DNAJC8: variants seen among roughly 807,000 people sequenced by gnomAD.
DNAJC8 encodes DnaJ heat shock protein family (Hsp40) member C8.
Under a neutral mutation model 43.2 loss-of-function variants are expected in DNAJC8, and 24 were observed. The ratio of observed to expected loss-of-function variants is 0.56; its 90% CI spans 0.40 to 0.78. DNAJC8 has a LOEUF of 0.78. Among genes scored for constraint, DNAJC8 ranks in the 30% least tolerant of loss-of-function variants. The probability of loss-of-function intolerance (pLI) is 0.00; values close to 1 mark genes in which losing one functional copy is unlikely to be tolerated. For missense variants in DNAJC8, 207 were observed against 299.4 expected (o/e 0.69, Z 2.28); for synonymous variants, 83 against 98.0 (o/e 0.85, Z 0.90).
At chr1:28,219,918 CTGCT>C (rs1646887609) in intron 2 of DNAJC8, among the ~76,000 whole-genome samples, 1 of 152,220 alleles carries the variant, frequency 6.6e-6, no homozygotes, top group East Asian at 1.9e-4. Flanking sequence ...CTCAGGCAAT[CTGCT>C]CACCTCAGCC....
chr1:28,214,793 A>C (rs1646839678), intron 3 of DNAJC8, 147 bp downstream of exon 3: 2 of 512,494 alleles, frequency 3.9e-6, no homozygotes. Context: ...ATATATTATT[A>C]TGAGCTTTTT....
chr1:28,225,020 G>A (rs184276771), intron 2 of DNAJC8, among the ~76,000 whole-genome samples: 6 of 151,102 alleles, frequency 4.0e-5, no homozygotes, highest in Admixed American at 1.3e-4. Context: ...TACAGTGAGC[G>A]GAGTGATAGA....
chr1:28,226,617 TAA>T lies in DNAJC8; in HGVS notation c.180+2303_180+2304del, dbSNP rs1256761108. 2.6e-5 allele frequency among the ~76,000 whole-genome samples: 4 copies of T among 151,370 alleles called. No individual in the cohort carries two copies. The East Asian group carries it at 7.7e-4, about 29-fold the overall frequency. Reference sequence around the variant, plus strand: ...AGTCTATTATTTTATAACCAGTTCATAAAAAGTTTCTTGGGGGGTGACATATT... The same window carrying T: ...AGTCTATTATTTTATAACCAGTTCATAAAGTTTCTTGGGGGGTGACATATT... On this transcript the variant is annotated intron_variant, in intron 2 of 8. Coordinates refer to ENST00000263697, the MANE Select transcript of DNAJC8 (RefSeq NM_014280.3).
intron 2 of DNAJC8, among the ~76,000 whole-genome samples, chr1:28,224,985 A>G (rs1237586432): frequency 6.6e-6 from 1 of 151,018 alleles, no homozygotes; most frequent in African/African-American, 2.4e-5. Context: ...CCCAGAGCCC[A>G]GGAGTTCGAG....
In DNAJC8 at chr1:28,200,597, T is replaced by C. The variant is rs753950688; in HGVS notation, c.*651A>G. The C allele has an allele frequency of 1.5e-5, 7 of 456,472 alleles. No homozygotes were observed. The highest frequency in any genetic ancestry group is 1.1e-4 in the South Asian group (7 of 64,554). The allele number at this position is 456,472 out of a possible 1,614,324, so 28.3% of individuals were successfully genotyped here. A position where few individuals can be genotyped will look rare whatever the true frequency, so the allele number is the denominator to read the frequency against. On this transcript the variant is annotated 3_prime_UTR_variant, in exon 9 of 9. Transcript: ENST00000263697. ...TATTATACATAAAGAATATTACCAC[T>C]AACAAATGCAGACAGGCTAGGACAT...
At chr1:28,210,227 G>C (rs1394027976) in intron 4 of DNAJC8, 161 bp from the exon 5 acceptor site, 3 of 650,246 alleles carry the variant, frequency 4.6e-6, no homozygotes. Flanking sequence ...CTATAGCAAT[G>C]ACTTTCCTTA....
At chr1:28,202,907 C>T (rs950817119) in intron 8 of DNAJC8, among the ~76,000 whole-genome samples, 24 of 152,118 alleles carry the variant, frequency 1.6e-4, no homozygotes, top group Admixed American at 2.6e-4. Context: ...TAATTGTCAC[C>T]AAAAGCCGAC....
chr1:28,204,028 G>C (rs758221511), intron 7 of DNAJC8, among the ~76,000 whole-genome samples: 8 of 152,162 alleles, frequency 5.3e-5, no homozygotes, highest in Non-Finnish European at 8.8e-5. Flanking sequence ...ATGGCTGTGG[G>C]GAAAGACATA....
rs750959425 is a variant in DNAJC8 at position 28,205,365 on chromosome 1, GAAC to G, written c.472-19_472-17del. On this transcript the variant is annotated splice_polypyrimidine_tract_variant and intron_variant, in intron 6 of 8. Transcript: ENST00000263697. Reference sequence around the variant, plus strand: ...CTTGTTTGAACTACAGGAAAATCAAGAACAAAAGAAAATCAGAGTAAATATTTT... The same window carrying G: ...CTTGTTTGAACTACAGGAAAATCAAGAAAAGAAAATCAGAGTAAATATTTT... The G allele has an allele frequency of 5.7e-6, 9 of 1,577,358 alleles. No individual in the cohort carries two copies. Among genetic ancestry groups the G allele is most frequent in the Non-Finnish European group, 7.8e-6 (9 of 1,156,052 alleles).
At chr1:28,229,236 T>A (rs998518405) in intron 1 of DNAJC8, among the ~76,000 whole-genome samples, 6 of 152,198 alleles carry the variant, frequency 3.9e-5, no homozygotes, top group African/African-American at 1.4e-4. Flanking sequence ...AACAACCCTA[T>A]GTGGTAGATA....
rs762157336 is a variant in DNAJC8, at chr1:28,233,002, C to T, written c.-4G>A. 31 of 1,611,334 alleles carry T rather than the reference C, an allele frequency of 1.9e-5. No homozygotes were observed. The highest frequency in any genetic ancestry group is 1.3e-4 in the South Asian group (12 of 91,080). On this transcript the variant is annotated 5_prime_UTR_variant, in exon 1 of 9. Transcript: ENST00000263697. Reference sequence around the variant, plus strand: ...CGCTCTCTCCTGAAGCCGCCATTTCCCCGGCCCAGCCACCACGTGACCCTT... The same window carrying T: ...CGCTCTCTCCTGAAGCCGCCATTTCTCCGGCCCAGCCACCACGTGACCCTT...
intron 8 of DNAJC8, among the ~76,000 whole-genome samples, chr1:28,202,851 G>A (rs970418214): frequency 6.6e-6 from 1 of 152,130 alleles, no homozygotes; most frequent in Non-Finnish European, 1.5e-5. Context: ...CAAAGTGCTG[G>A]GATTACAGGC....
Position 28,201,295 on chromosome 1 carries a change from G to T in DNAJC8, c.715C>A (p.Arg239=), listed in dbSNP as rs561902825. The part of the protein sequence containing the change: ...NTKGKKEKKN[R]TFLRPPKVKM... ...ACTTTCGGTGGTCTCAGGAAGGTCC[G>T]ATTTTTCTTCTCTTTCTTCCCCTTC... The change falls in exon 9 of 9, where the codon CGG becomes AGG. Residue 239 remains arginine, a synonymous_variant. Coordinates refer to ENST00000263697, the MANE Select transcript of DNAJC8 (RefSeq NM_014280.3). 1.2e-6 allele frequency: 2 copies of T among 1,612,600 alleles called. No homozygotes were observed. The highest frequency in any genetic ancestry group is 2.2e-5 in the East Asian group (1 of 44,876).
intron 2 of DNAJC8, among the ~76,000 whole-genome samples, chr1:28,219,790 C>T (rs1414157337): frequency 2.6e-5 from 4 of 152,052 alleles, no homozygotes; most frequent in African/African-American, 9.7e-5. Context: ...AATTCTCCTG[C>T]CTCAGCCTCC....
At chr1:28,219,309 C>G (rs1646882954) in intron 2 of DNAJC8, among the ~76,000 whole-genome samples, 1 of 151,996 alleles carries the variant, frequency 6.6e-6, no homozygotes, top group Non-Finnish European at 1.5e-5. Flanking sequence ...GAGATCGAGA[C>G]AATCCTGGCT....
chr1:28,226,717 CTG>C (rs1244905266), intron 2 of DNAJC8, among the ~76,000 whole-genome samples: 1 of 151,024 alleles, frequency 6.6e-6, no homozygotes, highest in East Asian at 1.9e-4. Flanking sequence ...GGAGTGATTG[CTG>C]TGGTTTGGAA....
intron 2 of DNAJC8, among the ~76,000 whole-genome samples, chr1:28,219,095 C>G (rs939981454): frequency 1.3e-5 from 2 of 152,064 alleles, no homozygotes; most frequent in African/African-American, 4.8e-5. Flanking sequence ...ATTCATAAAC[C>G]CTGGTTGATT....
chr1:28,205,160 G>GTA, intron 7 of DNAJC8, 98 bp downstream of exon 7: 1 of 859,230 alleles, frequency 1.2e-6, no homozygotes, highest in East Asian at 2.6e-5. Context: ...CTCTTAAATG[G>GTA]TATACTATAT....
chr1:28,200,781 T>C lies in DNAJC8; in HGVS notation c.*467A>G, dbSNP rs2149013311. Reference sequence around the variant, plus strand: ...GCTCACAAGTGTTCCCTGTCTTATCTGGGCCTTCGAAGGGAGCACACCCAG... The same window carrying C: ...GCTCACAAGTGTTCCCTGTCTTATCCGGGCCTTCGAAGGGAGCACACCCAG... On this transcript the variant is annotated 3_prime_UTR_variant, in exon 9 of 9. Coordinates refer to ENST00000263697, the MANE Select transcript of DNAJC8 (RefSeq NM_014280.3). The C allele has an allele frequency of 2.4e-6, 1 of 411,454 alleles. No homozygotes were observed. The highest frequency in any genetic ancestry group is 2.1e-5 in the African/African-American group (1 of 48,556). The allele number at this position is 411,454 out of a possible 1,614,324, so 25.5% of individuals were successfully genotyped here.
Sources: allele counts gnomAD v4.1 joint callset (sites outside exome capture counted in the v4.1 genomes callset), GRCh38; gene constraint gnomAD v4.1.1; transcripts MANE v1.5; gene names NCBI Gene and HGNC (gene_info 2026-07-23, HGNC 2026-07-21).